Variants in VPS9D1 observed in about 807,000 individuals in gnomAD.
VPS9D1 encodes the protein VPS9 domain containing 1.
VPS9D1 carries 78 observed loss-of-function variants against 75.8 expected under a neutral mutation model. The observed-to-expected ratio is 1.03, with a 90% confidence interval of 0.86 to 1.24. VPS9D1 has a LOEUF of 1.24. Ranked by LOEUF, VPS9D1 falls within the 50% of genes most tolerant of loss-of-function variation. The pLI is 0.00. For missense variants in VPS9D1, 1,057 were observed against 847.7 expected, an observed-to-expected ratio of 1.25 and a Z score of -3.07; for synonymous variants, 481 against 385.6, an observed-to-expected ratio of 1.25 and a Z score of -2.90.
intron 2 of VPS9D1, 34 bp from the exon 3 acceptor site, chr16:89,716,856 G>C: frequency 1.9e-6 from 3 of 1,547,470 alleles, no homozygotes; most frequent in Non-Finnish European, 1.7e-6. Flanking sequence ...GTCACAGTCG[G>C]CTCTACCACT....
Position 89,710,957 on chromosome 16 carries a change from T to C in VPS9D1, c.887A>G (p.Tyr296Cys), listed in dbSNP as rs1248041561. The C allele has an allele frequency of 6.9e-6, 10 of 1,457,634 alleles. No homozygotes were observed. In the East Asian group the frequency reaches 2.2e-4, roughly 33 times the overall value. 90.3% of individuals were successfully genotyped at this position (1,457,634 alleles called of 1,614,324 possible). A position where few individuals can be genotyped will look rare whatever the true frequency, so the allele number is the denominator to read the frequency against. Residue 296 changes from tyrosine (Y) to cysteine (C), a missense_variant, in exon 10 of 15, where the codon TAC (tyrosine) becomes TGC (cysteine). Tyr to Cys is a radical substitution (Grantham distance 194). Transcript: ENST00000389386. ...QLLRRLQCSV[Y>C]SALYPAVSRA... The stretch of plus-strand genomic sequence containing the variant: ...GCTCACGGCGGGATACAGGGCGCTG[T>C]ACACGGAGCACTGCAGCCGCCTCAG...
rs2060827731 is a variant in VPS9D1 at position 89,707,898 on chromosome 16, T to G, written c.1859A>C (p.Tyr620Ser). The G allele has an allele frequency of 6.2e-7, 1 of 1,613,062 alleles. No homozygotes were observed. The change falls in exon 15 of 15, where the codon TAC becomes TCC. Residue 620 changes from tyrosine to serine, a missense_variant. Physicochemically the swap from Tyr to Ser is moderately radical, Grantham distance 144 (BLOSUM62 -2). Coordinates refer to ENST00000389386, the MANE Select transcript of VPS9D1 (RefSeq NM_004913.3). Reference protein sequence around the residue: ...CLTSLQSALSYVELLPRGGLA... With the variant: ...CLTSLQSALSSVELLPRGGLA... ...GCCTCCCCGGGGCAGCAGCTCCACGTAGCTCAGGGCACTCTGCAGTGATGT... is the reference window on the plus strand; with the variant it reads ...GCCTCCCCGGGGCAGCAGCTCCACGGAGCTCAGGGCACTCTGCAGTGATGT...
intron 4 of VPS9D1, among the ~76,000 whole-genome samples, chr16:89,714,741 C>T (rs1008214208): frequency 2.6e-5 from 4 of 152,176 alleles, no homozygotes; most frequent in African/African-American, 7.2e-5. Context: ...CATTTTCTTT[C>T]TTCTTTTTTT....
At chr16:89,718,611 C>A (rs1198088703) in intron 2 of VPS9D1, among the ~76,000 whole-genome samples, 1 of 152,176 alleles carries the variant, frequency 6.6e-6, no homozygotes, top group African/African-American at 2.4e-5. Flanking sequence ...TAGAAGGATA[C>A]AAGAGACCCC....
intron 8 of VPS9D1, 119 bp downstream of exon 8, chr16:89,711,763 C>A: frequency 8.0e-7 from 1 of 1,244,232 alleles, no homozygotes; most frequent in African/African-American, 1.5e-5. Context: ...CTGGCCCCGC[C>A]CCCTCACTGC....
chr16:89,712,796 C>T, intron 4 of VPS9D1, 80 bp from the exon 5 acceptor site: 1 of 1,280,158 alleles, frequency 7.8e-7, no homozygotes, highest in Non-Finnish European at 1.1e-6. Flanking sequence ...TCTCATCCTC[C>T]CGGATTGCTC....
intron 1 of VPS9D1, 87 bp downstream of exon 1, chr16:89,720,676 G>A (rs1462340133): frequency 5.5e-6 from 7 of 1,271,186 alleles, no homozygotes; most frequent in East Asian, 6.7e-5. Context: ...TCTCCAGCCC[G>A]AGCCGGCCCC....
At position 89,716,417 on chromosome 16, in the gene VPS9D1, A is replaced by T; in HGVS notation, c.431+45T>A. Reference sequence around the variant, plus strand: ...TCAGCTCATCTTTCTCAGCCTCAAAAACCCAATCCCAGGCTCATCCCACCT... The same window carrying T: ...TCAGCTCATCTTTCTCAGCCTCAAATACCCAATCCCAGGCTCATCCCACCT... On this transcript the variant is annotated intron_variant, in intron 4 of 14. Coordinates refer to ENST00000389386, the MANE Select transcript of VPS9D1 (RefSeq NM_004913.3). 1.2e-6 allele frequency: 2 copies of T among 1,606,544 alleles called. No individual in the cohort carries two copies. Among genetic ancestry groups the T allele is most frequent in the Non-Finnish European group, 1.7e-6 (2 of 1,178,104 alleles).
rs780512580 is a variant in VPS9D1 at position 89,716,834 on chromosome 16, ACAAGAAGGCTGGTCACAGTCGGCT to A, written c.176-36_176-13del. On this transcript the variant is annotated splice_polypyrimidine_tract_variant and intron_variant, in intron 2 of 14. Coordinates refer to ENST00000389386, the MANE Select transcript of VPS9D1 (RefSeq NM_004913.3). Reference sequence around the variant, plus strand: ...AGTTTCCCCAGCTTCTGGGGGAGGGACAAGAAGGCTGGTCACAGTCGGCTCTACCACTGTTACTTACTGCTGAGA... The same window carrying A: ...AGTTTCCCCAGCTTCTGGGGGAGGGACTACCACTGTTACTTACTGCTGAGA... The A allele has an allele frequency of 6.3e-7, 1 of 1,582,784 alleles. No homozygotes were observed. The highest frequency in any genetic ancestry group is 2.3e-5 in the East Asian group (1 of 44,386).
chr16:89,716,832 G>C lies in VPS9D1; in HGVS notation c.176-10C>G. ...ACAGTTTCCCCAGCTTCTGGGGGAG[G>C]GACAAGAAGGCTGGTCACAGTCGGC... On this transcript the variant is annotated splice_polypyrimidine_tract_variant and intron_variant, in intron 2 of 14. Transcript: ENST00000389386. The C allele has an allele frequency of 6.3e-7, 1 of 1,583,232 alleles. No individual in the cohort carries two copies. Among genetic ancestry groups the C allele is most frequent in the Non-Finnish European group, 8.5e-7 (1 of 1,170,174 alleles).
chr16:89,711,678 T>G, intron 8 of VPS9D1: 1 of 680,870 alleles, frequency 1.5e-6, no homozygotes, highest in Non-Finnish European at 2.4e-6. Context: ...ACGCGACCCC[T>G]GACCTCGCCT....
In VPS9D1 at chr16:89,720,804, C is replaced by T. The variant is rs1283981800; in HGVS notation, c.58G>A (p.Ala20Thr). The T allele has an allele frequency of 6.8e-7, 1 of 1,462,014 alleles. No homozygotes were observed. 90.6% of individuals were successfully genotyped at this position (1,462,014 alleles called of 1,614,324 possible). A position where few individuals can be genotyped will look rare whatever the true frequency, so the allele number is the denominator to read the frequency against. ...GTGTCCAGCTCGATGGCCCCGTTGGCAAGCTTCATGGCGCTCTGCAGCGGC... is the reference window on the plus strand; with the variant it reads ...GTGTCCAGCTCGATGGCCCCGTTGGTAAGCTTCATGGCGCTCTGCAGCGGC... Reference protein sequence around the residue: ...VKPLQSAMKLANGAIELDTGN... With the variant: ...VKPLQSAMKLTNGAIELDTGN... Residue 20 changes from alanine (A) to threonine (T), a missense_variant, in exon 1 of 15, where the codon GCC becomes ACC. Physicochemically the swap from Ala to Thr is moderately conservative, Grantham distance 58. Coordinates refer to ENST00000389386, the MANE Select transcript of VPS9D1 (RefSeq NM_004913.3).
chr16:89,716,496 T>G lies in VPS9D1; in HGVS notation c.397A>C (p.Lys133Gln). 6.2e-7 allele frequency: 1 copy of G among 1,614,048 alleles called. No homozygotes were observed. The highest frequency in any genetic ancestry group is 1.1e-5 in the South Asian group (1 of 91,078). ...SPFLPPEIFQ[K>Q]LQGAESQSCK... is the part of the protein sequence containing the mutation. ...CTTTGTGACTCTGCCCCCTGAAGCT[T>G]CTGGAAGATCTCGGGTGGCAGAAAA... Residue 133 changes from lysine (K) to glutamine (Q), a missense_variant, in exon 4 of 15, where the codon AAG (lysine) becomes CAG (glutamine). Transcript: ENST00000389386.
intron 2 of VPS9D1, chr16:89,718,094 C>T (rs1869736503): frequency 4.4e-6 from 2 of 455,924 alleles, no homozygotes; most frequent in Middle Eastern, 3.2e-4. Context: ...CAGTGGCTCC[C>T]CCTGACCTCT....
rs200099262 is a variant in VPS9D1, at chr16:89,719,164, C to T, written c.100-62G>A. Reference sequence around the variant, plus strand: ...GTGGAGGGAAGTGACTCCATTATTCCGGCCAGGTGCCCTTGTGGGATAAGC... The same window carrying T: ...GTGGAGGGAAGTGACTCCATTATTCTGGCCAGGTGCCCTTGTGGGATAAGC... On this transcript the variant is annotated intron_variant, in intron 1 of 14. Coordinates refer to ENST00000389386, the MANE Select transcript of VPS9D1 (RefSeq NM_004913.3). The T allele has an allele frequency of 4.0e-4, 596 of 1,496,412 alleles. 5 individuals carry two copies. Among genetic ancestry groups the T allele is most frequent in the Middle Eastern group, 2.2e-3 (13 of 5,858 alleles). 92.7% of individuals were successfully genotyped at this position (1,496,412 alleles called of 1,614,324 possible).
intron 12 of VPS9D1, 69 bp from the exon 13 acceptor site, chr16:89,709,025 G>GGCCCCCCCCCCCCCCCCCC: frequency 1.6e-6 from 1 of 627,190 alleles, no homozygotes; most frequent in South Asian, 3.0e-5. Context: ...CTTATACCCC[G>GGCCCCCCCCCCCCCCCCCC]CCCACCCACC....
At chr16:89,708,025 A>T in intron 14 of VPS9D1, 71 bp from the exon 15 acceptor site, 1 of 1,465,016 alleles carries the variant, frequency 6.8e-7, no homozygotes, top group East Asian at 2.3e-5. Flanking sequence ...TCCAGAAGGT[A>T]GTGTCTGCCC....
In VPS9D1 at chr16:89,712,529, G is replaced by A. The variant is rs915042184; in HGVS notation, c.544-7C>T. On this transcript the variant is annotated splice_polypyrimidine_tract_variant and splice_region_variant and intron_variant, in intron 5 of 14. Coordinates refer to ENST00000389386, the MANE Select transcript of VPS9D1 (RefSeq NM_004913.3). ...GCCGCTGTAGAGAGAGGGTCTGGGG[G>A]GGGAGGAGGGAGTAAGGCCGACTCC... 6.2e-7 allele frequency: 1 copy of A among 1,612,124 alleles called. No individual in the cohort carries two copies. Among genetic ancestry groups the A allele is most frequent in the Admixed American group, 1.7e-5 (1 of 59,892 alleles).
chr16:89,712,216 T>TC (rs2060948570), intron 6 of VPS9D1, 117 bp from the exon 7 acceptor site: 1 of 1,462,206 alleles, frequency 6.8e-7, no homozygotes, highest in Non-Finnish European at 9.3e-7. Context: ...TGAGGGGCTG[T>TC]CCCCAGGTAA....
Sources: gnomAD v4.1 joint callset for allele counts (sites outside exome capture counted in the v4.1 genomes callset) on GRCh38, gnomAD v4.1.1 for gene constraint, MANE v1.5 for transcripts, NCBI Gene and HGNC (gene_info 2026-07-23, HGNC 2026-07-21) for gene names.